Variants in RGP1 observed in about 807,000 individuals in gnomAD.
RGP1 encodes RAB6A-GEF complex partner protein 2.
In RGP1, 28 loss-of-function variants were observed where a neutral mutation model predicts 44.5. That is an observed-to-expected ratio of 0.63 (90% confidence interval 0.47 to 0.86). RGP1 has a LOEUF of 0.86. RGP1 is among the 40% of genes least tolerant of loss of function. The pLI, the probability that RGP1 is intolerant of heterozygous loss-of-function variation, is 0.00. For missense variants in RGP1, 417 were observed against 490.7 expected (o/e 0.85, Z 1.42); for synonymous variants, 212 against 196.7 (o/e 1.08, Z -0.65).
chr9:35,750,169 T>C, intron 2 of RGP1, 74 bp from the exon 3 acceptor site: 1 of 1,545,988 alleles, frequency 6.5e-7, no homozygotes, highest in African/African-American at 1.4e-5. Context: ...GTTAAGATGG[T>C]GTGATAGGGA....
intron 7 of RGP1, 91 bp downstream of exon 7, chr9:35,751,845 A>C (rs1425576420): frequency 6.3e-7 from 1 of 1,592,456 alleles, no homozygotes; most frequent in Non-Finnish European, 8.6e-7. Context: ...GGCATGTAGA[A>C]GGGGATAGTG....
At chr9:35,786,055 T>C in the RGP1 span, among the ~76,000 whole-genome samples, 28 of 152,230 alleles carry the variant, frequency 1.8e-4, no homozygotes, top group Non-Finnish European at 3.2e-4. Context: ...GTTTTGTACA[T>C]TTTTGTTTCA....
At chr9:35,783,726 T>C in the RGP1 span, among the ~76,000 whole-genome samples, 363 of 152,364 alleles carry the variant, frequency 2.4e-3, 1 homozygote, top group African/African-American at 8.2e-3. Context: ...ATATCTTGGC[T>C]ACTGTGAATA....
chr9:35,772,296 A>G, the RGP1 span: 1 of 152,342 alleles, frequency 6.6e-6, no homozygotes, highest in Non-Finnish European at 1.5e-5. Context: ...GAGGAAGAAG[A>G]GGATCTTCAT....
At chr9:35,761,607 G>A (rs1348620098), downstream of RGP1, among the ~76,000 whole-genome samples, 2 of 152,060 alleles carry the variant, frequency 1.3e-5, no homozygotes, top group African/African-American at 2.4e-5. Context: ...CTGGGAGGTC[G>A]ATGCTGCAGT....
At chr9:35,790,013 A>G in the RGP1 span, 3 of 153,634 alleles carry the variant, frequency 2.0e-5, no homozygotes, top group African/African-American at 7.2e-5. Flanking sequence ...GAATTTTGTC[A>G]TTTTGGATTT....
At chr9:35,784,956 G>C in the RGP1 span, among the ~76,000 whole-genome samples, 1 of 152,090 alleles carries the variant, frequency 6.6e-6, no homozygotes, top group South Asian at 2.1e-4. Context: ...ACAGAATATG[G>C]ATATGGTGGG....
downstream of RGP1, among the ~76,000 whole-genome samples, chr9:35,762,444 G>T (rs528797082): frequency 1.3e-5 from 2 of 152,166 alleles, no homozygotes; most frequent in Non-Finnish European, 2.9e-5. Flanking sequence ...TTAGATGACC[G>T]TTTGCACAAG....
At position 35,749,852 on chromosome 9, in the gene RGP1, A is replaced by G; in HGVS notation, c.97A>G (p.Thr33Ala). ...GACCGTCACCAACCCCCTTCCGCCC[A>G]CGGCCACTTCTGCATCCAGGTGGGG... Reference protein sequence around the residue: ...VVTVTNPLPPTATSASSEALA... With the variant: ...VVTVTNPLPPAATSASSEALA... Residue 33 changes from threonine (T) to alanine (A), a missense_variant, in exon 2 of 9, where the codon ACG (threonine) becomes GCG (alanine). Thr to Ala is a moderately conservative substitution (Grantham distance 58, BLOSUM62 0). Coordinates refer to ENST00000378078, the MANE Select transcript of RGP1 (RefSeq NM_001080496.3). The surrounding 1 kb of genome is among the most constrained non-coding windows in gnomAD (Gnocchi z 4.4). The G allele has an allele frequency of 6.2e-7, 1 of 1,612,858 alleles. No homozygotes were observed. Among genetic ancestry groups the G allele is most frequent in the Non-Finnish European group, 8.5e-7 (1 of 1,179,234 alleles).
At position 35,751,961 on chromosome 9, in the gene RGP1, A is replaced by C; in HGVS notation, c.768A>C (p.Ser256=). 6.4e-7 allele frequency: 1 copy of C among 1,567,806 alleles called. No individual in the cohort carries two copies. Among genetic ancestry groups the C allele is most frequent in the East Asian group, 2.2e-5 (1 of 44,508 alleles). The part of the protein sequence containing the change: ...GEGTVACLQF[S]VSLQTEERVQ... ...CACCTGTCTCTTGCTCCCAGTTTTC[A>C]GTCAGCTTACAGACCGAGGAGCGTG... The change falls in exon 8 of 9, where the codon TCA becomes TCC. Residue 256 remains serine, a synonymous_variant. Coordinates refer to ENST00000378078, the MANE Select transcript of RGP1 (RefSeq NM_001080496.3).
the RGP1 span, chr9:35,780,223 A>C: frequency 6.6e-6 from 1 of 151,996 alleles, no homozygotes; most frequent in Non-Finnish European, 1.5e-5. Flanking sequence ...AGAAGAGGAG[A>C]AGCAGAATCA....
downstream of RGP1, among the ~76,000 whole-genome samples, chr9:35,761,904 A>G (rs1827420778): frequency 6.6e-6 from 1 of 152,170 alleles, no homozygotes; most frequent in Non-Finnish European, 1.5e-5. Context: ...CTGTAATCCC[A>G]GCACTTTGGG....
chr9:35,766,097 T>C, the RGP1 span, among the ~76,000 whole-genome samples: 9 of 147,704 alleles, frequency 6.1e-5, no homozygotes, highest in Non-Finnish European at 3.0e-5. Flanking sequence ...CCCAAAGTGC[T>C]GGGATTATAG....
chr9:35,752,769 T>C lies in RGP1; in HGVS notation c.1071T>C (p.Pro357=). ...CCTGGACAGGACCTGAGCAAGTACC[T>C]GTAGACACCTTCAGCTGGGACCTGC... ...PTTWTGPEQV[P]VDTFSWDLPI... is the part of the protein sequence containing the mutation. Residue 357 remains proline (P), a synonymous_variant, in exon 9 of 9, where the codon CCT becomes CCC. Transcript: ENST00000378078. 6.2e-7 allele frequency: 1 copy of C among 1,613,828 alleles called. No homozygotes were observed. Among genetic ancestry groups the C allele is most frequent in the Middle Eastern group, 1.6e-4 (1 of 6,062 alleles).
At chr9:35,773,345 C>T in the RGP1 span, among the ~76,000 whole-genome samples, 5 of 152,022 alleles carry the variant, frequency 3.3e-5, no homozygotes, top group Non-Finnish European at 5.9e-5. Context: ...GAGCTGAGAT[C>T]GCACTACTCT....
chr9:35,785,214 T>G, the RGP1 span, among the ~76,000 whole-genome samples: 1 of 152,052 alleles, frequency 6.6e-6, no homozygotes, highest in African/African-American at 2.4e-5. Flanking sequence ...TGGGACTGAG[T>G]ACATAAGGAA....
At chr9:35,751,875 T>G (rs922423147) in intron 7 of RGP1, 81 bp from the exon 8 acceptor site, 3 of 1,567,124 alleles carry the variant, frequency 1.9e-6, no homozygotes, top group East Asian at 4.5e-5. Flanking sequence ...AGGGTCCCTT[T>G]GTAAAACAGC....
At chr9:35,762,007 A>C (rs1827422256), downstream of RGP1, among the ~76,000 whole-genome samples, 3 of 152,122 alleles carry the variant, frequency 2.0e-5, no homozygotes, top group South Asian at 4.1e-4. Context: ...AATACAAAAA[A>C]TTATCCAGGC....
In RGP1 at chr9:35,753,723, C is replaced by T. The variant is rs1827311339; in HGVS notation, c.*849C>T. 1 of 1,614,014 alleles carries T rather than the reference C, an allele frequency of 6.2e-7. No homozygotes were observed. Among genetic ancestry groups the T allele is most frequent in the African/African-American group, 1.3e-5 (1 of 74,908 alleles). ...GCAATGGAAACAGTCCTTGCGGAGC[C>T]AAGACTCACCCAGGGTAAAATATTT... On this transcript the variant is annotated 3_prime_UTR_variant, in exon 9 of 9. Transcript: ENST00000378078. This position sits in a 1 kb window ranked among gnomAD's most constrained non-coding sequence, Gnocchi z 4.2.
Sources: gnomAD v4.1 joint callset for allele counts (sites outside exome capture counted in the v4.1 genomes callset) on GRCh38, gnomAD v4.1.1 for gene constraint, Gnocchi (gnomAD v3.1) non-coding constraint, MANE v1.5 for transcripts, NCBI Gene and HGNC (gene_info 2026-07-23, HGNC 2026-07-21) for gene names.